The following KIF5C variants were observed in gnomAD, a reference collection of about 807,000 sequenced individuals.
KIF5C encodes the protein kinesin family member 5C.
KIF5C carries 18 observed loss-of-function variants against 125.2 expected under a neutral mutation model. The ratio of observed to expected loss-of-function variants is 0.14; its 90% CI spans 0.10 to 0.21. The LOEUF (loss-of-function observed/expected upper bound fraction) is 0.21. KIF5C is among the 10% of genes least tolerant of loss of function. The probability of loss-of-function intolerance (pLI) is 1.00; values close to 1 mark genes in which losing one functional copy is unlikely to be tolerated. For synonymous variants in KIF5C, 405 were observed against 434.0 expected, an observed-to-expected ratio of 0.93 and a Z score of 0.83; for missense variants, 780 against 1,183.8, an observed-to-expected ratio of 0.66 and a Z score of 5.01.
intron 15 of KIF5C, among the ~76,000 whole-genome samples, chr2:148,985,724 C>G (rs1203758515): frequency 6.6e-6 from 1 of 152,128 alleles, no homozygotes; most frequent in Non-Finnish European, 1.5e-5. Flanking sequence ...AGGTCGTGAG[C>G]TGGGATTGTT....
At chr2:148,996,834 A>G (rs370733664) in intron 17 of KIF5C, among the ~76,000 whole-genome samples, 1 of 152,078 alleles carries the variant, frequency 6.6e-6, no homozygotes, top group Non-Finnish European at 1.5e-5. Flanking sequence ...TCTTCCTAGA[A>G]CTCCCATCAT....
At chr2:148,931,962 G>A (rs929691410) in intron 3 of KIF5C, among the ~76,000 whole-genome samples, 2 of 152,176 alleles carry the variant, frequency 1.3e-5, no homozygotes, top group Admixed American at 6.5e-5. Context: ...TAGTTGATGT[G>A]GATGGGAGTT....
chr2:148,959,112 A>T (rs1040567340), intron 10 of KIF5C, among the ~76,000 whole-genome samples: 2 of 152,124 alleles, frequency 1.3e-5, no homozygotes, highest in African/African-American at 4.8e-5. Flanking sequence ...TTTACATGGT[A>T]TTGGGGGTGA....
intron 12 of KIF5C, among the ~76,000 whole-genome samples, 170 bp from the exon 13 acceptor site, chr2:148,978,752 A>AG (rs1445806228): frequency 2.0e-5 from 3 of 152,154 alleles, no homozygotes; most frequent in Non-Finnish European, 4.4e-5. Flanking sequence ...GTGGGTGAGG[A>AG]GGTATTTTAA....
chr2:148,886,149 A>G (rs1033638783), intron 1 of KIF5C: 3 of 152,222 alleles, frequency 2.0e-5, no homozygotes, highest in Non-Finnish European at 4.4e-5. Flanking sequence ...CTCTTGTCCC[A>G]TAGTCAGGGA....
At chr2:148,892,315 G>C (rs536321097) in intron 1 of KIF5C, among the ~76,000 whole-genome samples, 3 of 152,340 alleles carry the variant, frequency 2.0e-5, no homozygotes, top group Non-Finnish European at 4.4e-5. Context: ...AATGTGATAA[G>C]TGTTGCTCTC....
At chr2:148,920,097 C>T (rs1681722716) in intron 1 of KIF5C, among the ~76,000 whole-genome samples, 1 of 152,060 alleles carries the variant, frequency 6.6e-6, no homozygotes, top group Non-Finnish European at 1.5e-5. Flanking sequence ...ACTGAGGAGT[C>T]CTTTTTTTTT....
At chr2:148,938,252 C>A (rs1001844303) in intron 4 of KIF5C, among the ~76,000 whole-genome samples, 3 of 152,104 alleles carry the variant, frequency 2.0e-5, no homozygotes, top group African/African-American at 7.2e-5. Context: ...GAAATCTAAG[C>A]CCTGTTTTTC....
chr2:148,991,007 C>T lies in KIF5C; in HGVS notation c.1717-3C>T. 1 of 1,611,988 alleles carries T rather than the reference C, an allele frequency of 6.2e-7. No homozygotes were observed. The highest frequency in any genetic ancestry group is 8.5e-7 in the Non-Finnish European group (1 of 1,178,734). On this transcript the variant is annotated splice_region_variant and splice_polypyrimidine_tract_variant and intron_variant, in intron 15 of 25. Coordinates refer to ENST00000435030, the MANE Select transcript of KIF5C (RefSeq NM_004522.3). ...ATTTGAGTGTGTCCCCTTCTTTGCT[C>T]AGTTGGCAGATGTGAATGGAGTCAT...
At chr2:148,928,088 A>AT (rs1282060312) in intron 2 of KIF5C, among the ~76,000 whole-genome samples, 6 of 152,218 alleles carry the variant, frequency 3.9e-5, no homozygotes, top group African/African-American at 1.2e-4. Context: ...GTTTATTAAA[A>AT]TTTTTTTAAA....
intron 25 of KIF5C, among the ~76,000 whole-genome samples, chr2:149,012,208 A>C (rs761588983): frequency 5.3e-5 from 8 of 152,224 alleles, no homozygotes; most frequent in Admixed American, 2.0e-4. Flanking sequence ...GTGGTCTGCA[A>C]GCTTCTCTAC....
intron 16 of KIF5C, 24 bp downstream of exon 16, chr2:148,991,222 T>C: frequency 6.2e-7 from 1 of 1,608,954 alleles, no homozygotes; most frequent in Non-Finnish European, 8.5e-7. Context: ...TTCCCCATCA[T>C]TGCACTCTTG....
At chr2:148,990,346 G>A (rs79455799) in intron 15 of KIF5C, among the ~76,000 whole-genome samples, 3,676 of 152,284 alleles carry the variant, frequency 0.024, 137 homozygotes, top group African/African-American at 0.077. Context: ...ATTACTGTCT[G>A]TTTGGAAGGA....
chr2:148,972,494 G>T (rs1422265604), intron 11 of KIF5C, among the ~76,000 whole-genome samples: 1 of 152,206 alleles, frequency 6.6e-6, no homozygotes, highest in Non-Finnish European at 1.5e-5. Flanking sequence ...TGCACTTTAT[G>T]TCTTTGATGT....
intron 16 of KIF5C, among the ~76,000 whole-genome samples, chr2:148,993,400 C>G (rs770457214): frequency 2.6e-5 from 4 of 152,234 alleles, no homozygotes; most frequent in Non-Finnish European, 5.9e-5. Context: ...GAGGTTTGCA[C>G]TCTGCTACAA....
intron 11 of KIF5C, among the ~76,000 whole-genome samples, chr2:148,968,377 G>T (rs1472042980): frequency 6.6e-6 from 1 of 152,302 alleles, no homozygotes; most frequent in African/African-American, 2.4e-5. Flanking sequence ...CTGATTTGGG[G>T]CTTTGTGGAA....
chr2:148,956,880 T>C (rs1159014352), intron 10 of KIF5C, among the ~76,000 whole-genome samples: 2 of 152,220 alleles, frequency 1.3e-5, no homozygotes, highest in African/African-American at 4.8e-5. Flanking sequence ...TTGTGAATGA[T>C]CAGGCCACTT....
At chr2:148,990,432 G>A (rs1301411098) in intron 15 of KIF5C, among the ~76,000 whole-genome samples, 1 of 152,182 alleles carries the variant, frequency 6.6e-6, no homozygotes, top group Non-Finnish European at 1.5e-5. Flanking sequence ...TCATCAAGAA[G>A]CCCTTTGGTA....
chr2:148,948,784 A>G (rs924828014), intron 8 of KIF5C, among the ~76,000 whole-genome samples: 4 of 152,154 alleles, frequency 2.6e-5, no homozygotes, highest in Non-Finnish European at 4.4e-5. Flanking sequence ...TGTATATTTC[A>G]TGGAGTTAAG....
Sources: gnomAD v4.1 joint callset for allele counts (sites outside exome capture counted in the v4.1 genomes callset) on GRCh38, gnomAD v4.1.1 for gene constraint, MANE v1.5 for transcripts, NCBI Gene and HGNC (gene_info 2026-07-23, HGNC 2026-07-21) for gene names.